The following CYBB variants were observed in gnomAD, a reference collection of about 807,000 sequenced individuals.
CYBB encodes NADPH oxidase 2.
A neutral mutation model predicts 46.5 loss-of-function variants in CYBB; 5 were observed. The ratio of observed to expected loss-of-function variants is 0.11; its 90% CI spans 0.06 to 0.23. CYBB has a LOEUF of 0.23. Among genes scored for constraint, CYBB ranks in the 10% least tolerant of loss-of-function variants. The probability of loss-of-function intolerance (pLI) is 1.00; values close to 1 mark genes in which losing one functional copy is unlikely to be tolerated. For synonymous variants in CYBB, 183 were observed against 156.7 expected (o/e 1.17, Z -1.26); for missense variants, 307 against 428.3 (o/e 0.72, Z 2.50).
intron 8 of CYBB, among the ~76,000 whole-genome samples, chrX:37,802,184 T>C (rs1406607886): frequency 9.0e-6 from 1 of 111,719 alleles, no homozygotes; most frequent in Non-Finnish European, 1.9e-5. Flanking sequence ...ATTTGCTGTC[T>C]ATGGTGGGTC....
intron 7 of CYBB, among the ~76,000 whole-genome samples, chrX:37,800,208 G>T (rs1556469520): frequency 9.0e-6 from 1 of 111,580 alleles, no homozygotes; most frequent in Non-Finnish European, 1.9e-5. Flanking sequence ...CTACCTCAAA[G>T]AATTTCTAGG....
chrX:37,808,745 C>T (rs1453325963), intron 11 of CYBB, among the ~76,000 whole-genome samples: 1 of 112,260 alleles, frequency 8.9e-6, no homozygotes, highest in African/African-American at 3.2e-5. Context: ...ATATAAATTG[C>T]TTTACTGTTC....
At chrX:37,804,642 A>G (rs1308606993) in intron 9 of CYBB, among the ~76,000 whole-genome samples, 3 of 110,500 alleles carry the variant, frequency 2.7e-5, no homozygotes, top group Non-Finnish European at 5.7e-5. Context: ...TGATGCAGCA[A>G]ATCCTCACTT....
Position 37,809,699 on chromosome X carries a change from G to A in CYBB, c.1586+8G>A, listed in dbSNP as rs1032242605. ...TGCAAGTCAACACCCTAAGTAAGGAGTCTGTCACCAAGATGTTTTTGAGGC... is the reference window on the plus strand; with the variant it reads ...TGCAAGTCAACACCCTAAGTAAGGAATCTGTCACCAAGATGTTTTTGAGGC... On this transcript the variant is annotated splice_region_variant and intron_variant, in intron 12 of 12. Transcript: ENST00000378588. 2 of 1,208,803 alleles carry A rather than the reference G, an allele frequency of 1.7e-6. No homozygotes were observed. The highest frequency in any genetic ancestry group is 3.5e-5 in the South Asian group (2 of 56,521).
intron 7 of CYBB, among the ~76,000 whole-genome samples, chrX:37,800,965 A>G (rs1321725609): frequency 8.9e-6 from 1 of 112,381 alleles, no homozygotes; most frequent in East Asian, 2.8e-4. Flanking sequence ...TGTAGTTGCA[A>G]CACTGAGAGG....
chrX:37,788,444 A>AT (rs1321271751), intron 3 of CYBB, among the ~76,000 whole-genome samples: 2 of 112,052 alleles, frequency 1.8e-5, no homozygotes, highest in Non-Finnish European at 3.8e-5. Context: ...TGATTAAAAG[A>AT]TTTTTTTAAG....
At chrX:37,784,186 G>T (rs1438993661) in intron 3 of CYBB, among the ~76,000 whole-genome samples, 1 of 111,667 alleles carries the variant, frequency 9.0e-6, no homozygotes, top group Non-Finnish European at 1.9e-5. Flanking sequence ...TAAGTAGGAA[G>T]AATCTCTGTA....
intron 11 of CYBB, among the ~76,000 whole-genome samples, chrX:37,809,080 G>C (rs1556472488): frequency 8.9e-6 from 1 of 111,979 alleles, no homozygotes; most frequent in Non-Finnish European, 1.9e-5. Flanking sequence ...ACTAGCTTTA[G>C]GCTTGATTTG....
chrX:37,783,478 C>T lies in CYBB; in HGVS notation c.142-12C>T, dbSNP rs13306298. On this transcript the variant is annotated splice_polypyrimidine_tract_variant and intron_variant, in intron 2 of 12. Coordinates refer to ENST00000378588, the MANE Select transcript of CYBB (RefSeq NM_000397.4). ...AAAAAAGTCACTCTGCTCCCTTTCC[C>T]GCCTCTTCTAGTCAGCACTGGCACT... 4.4e-4 allele frequency: 511 copies of T among 1,152,099 alleles called. 8 individuals carry two copies. In the East Asian group the frequency reaches 0.014, roughly 31 times the overall value. The allele number at this position is 1,152,099 out of a possible 1,213,427, so 94.9% of individuals were successfully genotyped here.
chrX:37,802,256 C>A (rs1437956007), intron 8 of CYBB, among the ~76,000 whole-genome samples: 10 of 111,334 alleles, frequency 9.0e-5, no homozygotes, highest in African/African-American at 2.9e-4. Flanking sequence ...CAACAGTTCT[C>A]CTTTTGTGAT....
intron 12 of CYBB, 31 bp downstream of exon 12, chrX:37,809,722 G>T (rs1285057593): frequency 1.7e-6 from 2 of 1,202,234 alleles, no homozygotes; most frequent in African/African-American, 3.5e-5. Flanking sequence ...ATGTTTTTGA[G>T]GCTTGCATCT....
At chrX:37,791,851 T>C (rs1929203155) in intron 3 of CYBB, 124 bp from the exon 4 acceptor site, 1 of 528,546 alleles carries the variant, frequency 1.9e-6, no homozygotes, top group African/African-American at 2.3e-5. Context: ...ATCAAATAGA[T>C]ATAATGATAC....
Position 37,804,419 on chromosome X carries a change from A to G in CYBB, c.1151+289A>G, listed in dbSNP as rs1031448885. Among the ~76,000 whole-genome samples, 9 of 112,144 alleles carry G rather than the reference A, an allele frequency of 8.0e-5. No homozygotes were observed. Among genetic ancestry groups the G allele is most frequent in the Non-Finnish European group, 1.3e-4 (7 of 53,189 alleles). On this transcript the variant is annotated intron_variant, in intron 9 of 12. Coordinates refer to ENST00000378588, the MANE Select transcript of CYBB (RefSeq NM_000397.4). ...AGTTATATTAACTTTCCTAACAAATATAATTGTAGTGTATCAAAAATATTC... is the reference window on the plus strand; with the variant it reads ...AGTTATATTAACTTTCCTAACAAATGTAATTGTAGTGTATCAAAAATATTC...
At chrX:37,784,088 G>A (rs193214193) in intron 3 of CYBB, among the ~76,000 whole-genome samples, 9 of 111,357 alleles carry the variant, frequency 8.1e-5, no homozygotes, top group African/African-American at 2.9e-4. Flanking sequence ...GGGGAGCATA[G>A]AGCTTTCTAA....
chrX:37,792,207 A>G, intron 4 of CYBB, 148 bp downstream of exon 4: 1 of 471,796 alleles, frequency 2.1e-6, no homozygotes, highest in Admixed American at 3.1e-5. Context: ...AAAAGTATTT[A>G]CCACACTTTC....
chrX:37,785,244 G>T (rs180959555), intron 3 of CYBB, among the ~76,000 whole-genome samples: 1 of 112,286 alleles, frequency 8.9e-6, no homozygotes, highest in Non-Finnish European at 1.9e-5. Flanking sequence ...AATTTAAGAT[G>T]TTCCAGAAAG....
chrX:37,810,726 C>T (rs902305161), intron 12 of CYBB, 65 bp from the exon 13 acceptor site: 48 of 1,145,680 alleles, frequency 4.2e-5, no homozygotes, highest in Non-Finnish European at 5.3e-5. Flanking sequence ...GGGAAATTCA[C>T]CTACCTGCTT....
chrX:37,798,905 C>T lies in CYBB; in HGVS notation c.675-50C>T, dbSNP rs1929372734. The stretch of plus-strand genomic sequence containing the variant: ...ATATATGCAGAATCTTTTAATAAAA[C>T]AATTTAATTTCCTATTACTAAATGA... On this transcript the variant is annotated intron_variant, in intron 6 of 12. Transcript: ENST00000378588. The T allele has an allele frequency of 8.8e-6, 10 of 1,138,556 alleles. No individual in the cohort carries two copies. The East Asian group carries it at 9.6e-5, about 11-fold the overall frequency. The allele number at this position is 1,138,556 out of a possible 1,213,427, so 93.8% of individuals were successfully genotyped here. A position where few individuals can be genotyped will look rare whatever the true frequency, so the allele number is the denominator to read the frequency against.
rs1929629718 is a variant in CYBB at position 37,809,590 on chromosome X, T to C, written c.1485T>C (p.His495=). 8.3e-7 allele frequency: 1 copy of C among 1,202,212 alleles called. No homozygotes were observed. The highest frequency in any genetic ancestry group is 1.1e-6 in the Non-Finnish European group (1 of 889,986). ...AGGCCAATCACTTTGCTGTGCACCA[T>C]GATGAGGAGAAAGATGTGATCACAG... ...ESQANHFAVH[H]DEEKDVITGL... is the part of the protein sequence containing the mutation. Residue 495 remains histidine, a synonymous_variant, in exon 12 of 13, where the codon CAT becomes CAC. Coordinates refer to ENST00000378588, the MANE Select transcript of CYBB (RefSeq NM_000397.4).
Sources: gnomAD v4.1 joint callset for allele counts (sites outside exome capture counted in the v4.1 genomes callset) on GRCh38, gnomAD v4.1.1 for gene constraint, MANE v1.5 for transcripts, NCBI Gene and HGNC (gene_info 2026-07-23, HGNC 2026-07-21) for gene names.